The following SMN1 variants were observed in gnomAD, a reference collection of about 807,000 sequenced individuals.
The protein encoded by SMN1 is survival motor neuron protein.
For missense variants in SMN1, 15 were observed against 17.1 expected, an observed-to-expected ratio of 0.88 and a Z score of 0.22; for synonymous variants, 3 against 5.1, an observed-to-expected ratio of 0.58 and a Z score of 0.56.
At chr5:70,950,340 T>C (rs212223) in intron 7 of SMN1, among the ~76,000 whole-genome samples, 19,562 of 142,262 alleles carry the variant, frequency 0.14, 1,552 homozygotes, top group Admixed American at 0.19. Context: ...TTGCTTGAAC[T>C]GAGAAGGCGG....
At chr5:70,959,068 G>A in the SMN1 span, among the ~76,000 whole-genome samples, 270 of 150,148 alleles carry the variant, frequency 1.8e-3, 15 homozygotes, top group South Asian at 1.3e-3. Context: ...ATGGAATACT[G>A]TGCAACCATA....
downstream of SMN1, among the ~76,000 whole-genome samples, chr5:70,957,423 TG>T (rs1561505525): frequency 7.0e-6 from 1 of 142,068 alleles, no homozygotes; most frequent in African/African-American, 2.6e-5. Context: ...TTCCAGTTTT[TG>T]CCCATTCAGT....
chr5:70,963,298 TATA>T, the SMN1 span, among the ~76,000 whole-genome samples: 3 of 15,532 alleles, frequency 1.9e-4, no homozygotes, highest in African/African-American at 4.2e-4. Context: ...TGTATACACA[TATA>T]ATATGTGTGT....
At chr5:70,955,083 CAT>C, downstream of SMN1, among the ~76,000 whole-genome samples, 1 of 141,378 alleles carries the variant, frequency 7.1e-6, no homozygotes, top group Non-Finnish European at 1.5e-5. Context: ...CATGGTGGTG[CAT>C]GCCTGTAGTC....
chr5:70,963,345 TTTA>T, the SMN1 span, among the ~76,000 whole-genome samples: 6 of 29,878 alleles, frequency 2.0e-4, no homozygotes, highest in Non-Finnish European at 2.9e-4. Context: ...TGATGTAAAA[TTTA>T]TTATTGTGGG....
At chr5:70,950,156 G>T (rs1421324890) in intron 7 of SMN1, among the ~76,000 whole-genome samples, 1 of 148,878 alleles carries the variant, frequency 6.7e-6, no homozygotes, top group African/African-American at 2.5e-5. Context: ...AGTGGCTCAC[G>T]CCGGTAATCC....
At chr5:70,952,035 A>T (rs1250936445) in intron 8 of SMN1, 41 bp downstream of exon 8, 1 of 1,610,058 alleles carries the variant, frequency 6.2e-7, no homozygotes, top group South Asian at 1.1e-5. Flanking sequence ...TTACTTTTGT[A>T]AAACTTTATG....
At chr5:70,950,493 G>A (rs1330535528) in intron 7 of SMN1, among the ~76,000 whole-genome samples, 25 of 149,628 alleles carry the variant, frequency 1.7e-4, no homozygotes, top group African/African-American at 2.2e-4. Context: ...TTGCCCTGTC[G>A]CCCAGGCTGG....
chr5:70,963,878 CTT>C, the SMN1 span, among the ~76,000 whole-genome samples: 835 of 69,316 alleles, frequency 0.012, 18 homozygotes, highest in African/African-American at 0.045. Flanking sequence ...AAGTTTCAAA[CTT>C]TTTTTTTTTT....
chr5:70,954,580 C>CG (rs1561504347), downstream of SMN1, among the ~76,000 whole-genome samples: 1 of 25,716 alleles, frequency 3.9e-5, no homozygotes, highest in African/African-American at 1.0e-4. Context: ...CAGCTGGGCG[C>CG]GGCAGCTCAC....
At chr5:70,960,906 A>T in the SMN1 span, among the ~76,000 whole-genome samples, 1 of 145,852 alleles carries the variant, frequency 6.9e-6, no homozygotes, top group Non-Finnish European at 1.5e-5. Flanking sequence ...CATGTTGGGT[A>T]GGCCAGTCTT....
At chr5:70,960,813 A>C in the SMN1 span, among the ~76,000 whole-genome samples, 1 of 149,350 alleles carries the variant, frequency 6.7e-6, no homozygotes, top group African/African-American at 2.4e-5. Context: ...CTCCTGCCTC[A>C]GTCTTCTCAG....
At chr5:70,959,356 T>A in the SMN1 span, among the ~76,000 whole-genome samples, 2 of 148,930 alleles carry the variant, frequency 1.3e-5, no homozygotes, top group Non-Finnish European at 3.0e-5. Context: ...TGTATACATA[T>A]GTAACTAACC....
In SMN1 at chr5:70,952,794, GTTTATAAAAGA is replaced by G; in HGVS notation, c.*360_*370del. Reference sequence around the variant, plus strand: ...TATGAGCTGTGAGAAGGGTGTTGTAGTTTATAAAAGACTGTCTTAATTTGCATACTTAAGCA... The same window carrying G: ...TATGAGCTGTGAGAAGGGTGTTGTAGCTGTCTTAATTTGCATACTTAAGCA... On this transcript the variant is annotated 3_prime_UTR_variant, in exon 9 of 9. Coordinates refer to ENST00000380707, the MANE Select transcript of SMN1 (RefSeq NM_000344.4). The G allele has an allele frequency of 3.5e-5, 5 of 143,226 alleles. No homozygotes were observed. Among genetic ancestry groups the G allele is most frequent in the South Asian group, 2.3e-4 (2 of 8,642 alleles). 8.9% of individuals were successfully genotyped at this position (143,226 alleles called of 1,614,324 possible). A position where few individuals can be genotyped will look rare whatever the true frequency, so the allele number is the denominator to read the frequency against.
chr5:70,963,739 A>G, the SMN1 span, among the ~76,000 whole-genome samples: 38 of 118,004 alleles, frequency 3.2e-4, no homozygotes, highest in African/African-American at 5.9e-4. Context: ...CCCAATACAG[A>G]AAATTGGTAC....
intron 6 of SMN1, among the ~76,000 whole-genome samples, chr5:70,945,549 C>T (rs1159582738): frequency 3.9e-5 from 4 of 101,812 alleles, no homozygotes; most frequent in East Asian, 2.5e-4. Context: ...TACTTAAAAT[C>T]GCCCTCGAAA....
At chr5:70,955,311 G>A (rs1460599419), downstream of SMN1, among the ~76,000 whole-genome samples, 3 of 137,052 alleles carry the variant, frequency 2.2e-5, no homozygotes, top group South Asian at 2.4e-4. Flanking sequence ...GATCTATGTT[G>A]CCCAAGCTGG....
chr5:70,952,167 A>T, intron 8 of SMN1, 173 bp downstream of exon 8: 1 of 1,471,162 alleles, frequency 6.8e-7, no homozygotes, highest in Non-Finnish European at 9.0e-7. Context: ...TAAAAGGTTA[A>T]TCTACATCCC....
chr5:70,950,167 C>T (rs1344194449), intron 7 of SMN1, among the ~76,000 whole-genome samples: 6 of 149,992 alleles, frequency 4.0e-5, no homozygotes, highest in Admixed American at 3.4e-4. Flanking sequence ...CCGGTAATCC[C>T]AACACTTTGG....
Sources: allele counts gnomAD v4.1 joint callset (sites outside exome capture counted in the v4.1 genomes callset), GRCh38; gene constraint gnomAD v4.1.1; transcripts MANE v1.5; gene names NCBI Gene and HGNC (gene_info 2026-07-23, HGNC 2026-07-21).